LAMB4: variants seen among roughly 807,000 people sequenced by gnomAD.
LAMB4 encodes the protein laminin subunit beta-4.
Under a neutral mutation model 199.2 loss-of-function variants are expected in LAMB4, and 196 were observed. The observed-to-expected ratio is 0.98, with a 90% CI of 0.88 to 1.11. LAMB4 has a LOEUF of 1.11. LAMB4 is among the 50% of genes least tolerant of loss of function. The pLI is 0.00. For synonymous variants in LAMB4, 744 were observed against 770.6 expected (o/e 0.97, Z 0.57); for missense variants, 2,080 against 2,171.2 (o/e 0.96, Z 0.83).
At chr7:108,075,697 T>A (rs1184226385) in intron 17 of LAMB4, 1 of 152,288 alleles carries the variant, frequency 6.6e-6, no homozygotes, top group African/African-American at 2.4e-5. Flanking sequence ...TTGTGGCTCA[T>A]GCCTGTAATC....
chr7:108,106,609 C>T, intron 6 of LAMB4, 37 bp from the exon 7 acceptor site: 1 of 1,153,348 alleles, frequency 8.7e-7, no homozygotes, highest in Admixed American at 2.1e-5. Flanking sequence ...TAGTATATTA[C>T]CTGAAAACGT....
intron 1 of LAMB4, among the ~76,000 whole-genome samples, chr7:108,127,452 G>A (rs1219229697): frequency 6.6e-6 from 1 of 152,074 alleles, no homozygotes; most frequent in Non-Finnish European, 1.5e-5. Flanking sequence ...TCCTTAAACA[G>A]TGGTTCTCCA....
At chr7:108,066,282 G>A in intron 20 of LAMB4, 87 bp downstream of exon 20, 1 of 966,866 alleles carries the variant, frequency 1.0e-6, no homozygotes, top group Non-Finnish European at 1.6e-6. Context: ...CTTAAATATT[G>A]TTGAGTCTCT....
the LAMB4 span, among the ~76,000 whole-genome samples, chr7:108,014,462 GTTT>G: frequency 6.6e-6 from 1 of 150,544 alleles, no homozygotes; most frequent in Non-Finnish European, 1.5e-5. Flanking sequence ...TGAGAAAGTT[GTTT>G]TTTTTTCCTT....
At chr7:108,011,807 A>G in the LAMB4 span, among the ~76,000 whole-genome samples, 1 of 152,114 alleles carries the variant, frequency 6.6e-6, no homozygotes, top group African/African-American at 2.4e-5. Context: ...TTAAATGTAT[A>G]TGCTATTGGT....
chr7:108,107,458 A>G (rs1410122991), intron 6 of LAMB4, among the ~76,000 whole-genome samples, 173 bp downstream of exon 6: 1 of 152,236 alleles, frequency 6.6e-6, no homozygotes, highest in Non-Finnish European at 1.5e-5. Flanking sequence ...TTGCTTCTAA[A>G]AATGTATTTA....
At chr7:108,025,405 C>CT (rs1554420548) in intron 33 of LAMB4, among the ~76,000 whole-genome samples, 4 of 127,080 alleles carry the variant, frequency 3.1e-5, no homozygotes, top group African/African-American at 1.4e-4. Flanking sequence ...TTCTTTCTTT[C>CT]TTTCTTTCTT....
At chr7:108,030,326 C>A (rs2034985655) in intron 32 of LAMB4, among the ~76,000 whole-genome samples, 2 of 152,312 alleles carry the variant, frequency 1.3e-5, no homozygotes, top group South Asian at 4.1e-4. Flanking sequence ...CTGATAGGTT[C>A]TTTCAGCAAC....
intron 31 of LAMB4, among the ~76,000 whole-genome samples, chr7:108,033,736 T>C (rs1033783217): frequency 4.4e-5 from 4 of 91,256 alleles, no homozygotes; most frequent in Non-Finnish European, 7.4e-5. Flanking sequence ...TGGATGAGTA[T>C]TTTTTTTTTT....
At chr7:108,101,634 A>G (rs1332095854) in intron 10 of LAMB4, among the ~76,000 whole-genome samples, 3 of 152,204 alleles carry the variant, frequency 2.0e-5, no homozygotes, top group Admixed American at 1.3e-4. Context: ...TGGGTATTTG[A>G]AATCAGGATG....
In LAMB4 at chr7:108,064,741, C is replaced by G. The variant is rs117695285; in HGVS notation, c.2837-756G>C. Among the ~76,000 whole-genome samples the G allele has an allele frequency of 9.5e-4, 145 of 152,172 alleles. 1 individual carries two copies. Among genetic ancestry groups the G allele is most frequent in the Non-Finnish European group, 1.7e-3 (119 of 68,006 alleles). ...AATTAACTGTTAACCTTAGATGTAA[C>G]AAATGAGGGGAAAATCAGGCATGTA... On this transcript the variant is annotated intron_variant, in intron 21 of 33. Coordinates refer to ENST00000388781, the MANE Select transcript of LAMB4 (RefSeq NM_007356.3).
In LAMB4 at chr7:108,063,051, A is replaced by G. The variant is rs886796141; in HGVS notation, c.3062-57T>C. ...TTCAATGATAAATGTGGCATTTAGC[A>G]AACCATACAAACAGCGTTTTAGACC... On this transcript the variant is annotated intron_variant, in intron 22 of 33. Coordinates refer to ENST00000388781, the MANE Select transcript of LAMB4 (RefSeq NM_007356.3). The G allele has an allele frequency of 7.7e-6, 9 of 1,161,974 alleles. No individual in the cohort carries two copies. In the East Asian group the frequency reaches 8.0e-5, roughly 10 times the overall value. 72.0% of individuals were successfully genotyped at this position (1,161,974 alleles called of 1,614,324 possible). A position where few individuals can be genotyped will look rare whatever the true frequency, so the allele number is the denominator to read the frequency against.
chr7:108,128,718 C>G (rs368415035), intron 1 of LAMB4, among the ~76,000 whole-genome samples: 1 of 152,270 alleles, frequency 6.6e-6, no homozygotes, highest in East Asian at 1.9e-4. Flanking sequence ...ATGTGGTAAC[C>G]CTGTGCATGC....
At chr7:108,129,585 T>G (rs992982918) in intron 1 of LAMB4, among the ~76,000 whole-genome samples, 1 of 151,928 alleles carries the variant, frequency 6.6e-6, no homozygotes, top group African/African-American at 2.4e-5. Flanking sequence ...TCACCCAGGC[T>G]GTAGTACAGT....
intron 17 of LAMB4, among the ~76,000 whole-genome samples, chr7:108,071,941 T>A (rs1334373344): frequency 1.3e-5 from 2 of 152,158 alleles, no homozygotes; most frequent in African/African-American, 2.4e-5. Context: ...GAACTTTTTT[T>A]TTTTTTTCAT....
At chr7:108,051,300 T>C (rs2035820438) in intron 26 of LAMB4, among the ~76,000 whole-genome samples, 1 of 152,216 alleles carries the variant, frequency 6.6e-6, no homozygotes, top group African/African-American at 2.4e-5. Flanking sequence ...CCTTCTATTT[T>C]TTTTTTCTCT....
chr7:108,037,656 A>T (rs2035278166), intron 29 of LAMB4, 61 bp from the exon 30 acceptor site: 3 of 1,274,500 alleles, frequency 2.4e-6, no homozygotes, highest in Non-Finnish European at 3.4e-6. Context: ...GTATCTTAAA[A>T]GTATAACCAC....
chr7:108,126,560 T>C (rs1326782445), intron 1 of LAMB4, among the ~76,000 whole-genome samples: 2 of 100,850 alleles, frequency 2.0e-5, no homozygotes, highest in Admixed American at 1.0e-4. Context: ...CTTTCTTTTT[T>C]TTTTTTTTTT....
At chr7:108,058,582 C>G (rs552192175) in intron 23 of LAMB4, among the ~76,000 whole-genome samples, 3 of 152,342 alleles carry the variant, frequency 2.0e-5, no homozygotes. Context: ...GCTGCTTAAA[C>G]AACAACTCCG....
Sources: gnomAD v4.1 joint callset for allele counts (sites outside exome capture counted in the v4.1 genomes callset) on GRCh38, gnomAD v4.1.1 for gene constraint, MANE v1.5 for transcripts, NCBI Gene and HGNC (gene_info 2026-07-23, HGNC 2026-07-21) for gene names.